TMEM169: variants seen among roughly 807,000 people sequenced by gnomAD.
TMEM169 encodes transmembrane protein 169.
A neutral mutation model predicts 27.3 loss-of-function variants in TMEM169; 18 were observed. The ratio of observed to expected loss-of-function variants is 0.66; its 90% confidence interval spans 0.46 to 0.98. The LOEUF is 0.98. Ranked by LOEUF, TMEM169 falls within the 50% of genes least tolerant of loss-of-function variation. TMEM169 has a pLI of 0.00. For synonymous variants in TMEM169, 136 were observed against 142.1 expected, an observed-to-expected ratio of 0.96 and a Z score of 0.30; for missense variants, 320 against 368.6, an observed-to-expected ratio of 0.87 and a Z score of 1.08.
chr2:216,086,954 C>T (rs530327278), intron 1 of TMEM169, among the ~76,000 whole-genome samples: 67 of 152,310 alleles, frequency 4.4e-4, no homozygotes, highest in African/African-American at 1.5e-3. Flanking sequence ...GTGTCAGTCA[C>T]ATATTAGGCA....
In TMEM169 at chr2:216,100,511, C is replaced by T. The variant is rs758398610; in HGVS notation, c.863C>T (p.Pro288Leu). 3 of 1,614,086 alleles carry T rather than the reference C, an allele frequency of 1.9e-6. No homozygotes were observed. Among genetic ancestry groups the T allele is most frequent in the Non-Finnish European group, 2.5e-6 (3 of 1,180,018 alleles). Residue 288 changes from proline (P) to leucine (L), a missense_variant, in exon 3 of 3, where the codon CCC (proline) becomes CTC (leucine). Pro to Leu is a moderately conservative substitution (Grantham distance 98, BLOSUM62 -3). Transcript: ENST00000437356. ...NISSTLSNKD[P>L]IQEVETSTV ...TCAAGCACTCTCTCCAACAAGGACC[C>T]CATCCAAGAAGTAGAAACCTCCACG...
At chr2:216,097,420 G>C (rs1486585904) in intron 2 of TMEM169, among the ~76,000 whole-genome samples, 1 of 151,966 alleles carries the variant, frequency 6.6e-6, no homozygotes, top group Non-Finnish European at 1.5e-5. Context: ...GTGTGCTGGG[G>C]CATGCCTGAG....
Position 216,102,428 on chromosome 2 carries a change from G to C in TMEM169, c.*1886G>C, listed in dbSNP as rs1696415625. 6.6e-6 allele frequency: 1 copy of C among 152,282 alleles called. No individual in the cohort carries two copies. The highest frequency in any genetic ancestry group is 2.4e-5 in the African/African-American group (1 of 41,332). 9.4% of individuals were successfully genotyped at this position (152,282 alleles called of 1,614,324 possible). ...CTAATTTCAAAATATCAACTCCTAAGAGGTCAGCAGAATTTGGAGATTTGG... is the reference window on the plus strand; with the variant it reads ...CTAATTTCAAAATATCAACTCCTAACAGGTCAGCAGAATTTGGAGATTTGG... On this transcript the variant is annotated 3_prime_UTR_variant, in exon 3 of 3. Transcript: ENST00000437356.
In TMEM169 at chr2:216,099,944, G is replaced by A. The variant is rs1303837540; in HGVS notation, c.296G>A (p.Ser99Asn). Reference protein sequence around the residue: ...DDDMWNLPLDSRYVTLTGTIT... With the variant: ...DDDMWNLPLDNRYVTLTGTIT... Reference sequence around the variant, plus strand: ...GATATGTGGAACCTGCCTCTGGACAGCCGCTACGTCACCTTAACTGGGACC... The same window carrying A: ...GATATGTGGAACCTGCCTCTGGACAACCGCTACGTCACCTTAACTGGGACC... Residue 99 changes from serine to asparagine, a missense_variant, in exon 3 of 3, where the codon AGC (serine) becomes AAC (asparagine). By Grantham distance (46) the Ser-to-Asn change is conservative. Coordinates refer to ENST00000437356, the MANE Select transcript of TMEM169 (RefSeq NM_001142311.2). This position sits in a 1 kb window ranked among gnomAD's most constrained non-coding sequence, Gnocchi z 5.0. 1.2e-6 allele frequency: 2 copies of A among 1,613,734 alleles called. No homozygotes were observed. The highest frequency in any genetic ancestry group is 1.7e-6 in the Non-Finnish European group (2 of 1,179,828).
At chr2:216,094,306 A>G (rs1469049142) in intron 1 of TMEM169, among the ~76,000 whole-genome samples, 1 of 152,234 alleles carries the variant, frequency 6.6e-6, no homozygotes, top group Non-Finnish European at 1.5e-5. Flanking sequence ...GGGTACCACT[A>G]TAGTTCATAA....
chr2:216,102,760 T>C lies in TMEM169; in HGVS notation c.*2218T>C, dbSNP rs1278063180. The C allele has an allele frequency of 2.0e-5, 3 of 152,500 alleles. No homozygotes were observed. The highest frequency in any genetic ancestry group is 7.2e-5 in the African/African-American group (3 of 41,402). The allele number at this position is 152,500 out of a possible 1,614,324, so 9.4% of individuals were successfully genotyped here. ...TAAATGAAGACAAAGAAAATAAAAA[T>C]AAAGTCTGATTAACTTTTGCTCATT... On this transcript the variant is annotated 3_prime_UTR_variant, in exon 3 of 3. Transcript: ENST00000437356.
At chr2:216,091,556 CAAA>C (rs35975278) in intron 1 of TMEM169, among the ~76,000 whole-genome samples, 4 of 80,336 alleles carry the variant, frequency 5.0e-5, no homozygotes, top group Admixed American at 1.4e-4. Context: ...GACTCCATCT[CAAA>C]AAAAAAAAAA....
intron 2 of TMEM169, among the ~76,000 whole-genome samples, chr2:216,097,706 G>GAGAAAT (rs1306624988): frequency 1.3e-5 from 2 of 152,204 alleles, no homozygotes; most frequent in Non-Finnish European, 2.9e-5. Context: ...CTCTCCTGCA[G>GAGAAAT]TTGACCTTCA....
Position 216,095,781 on chromosome 2 carries a change from C to A in TMEM169, c.-126-57C>A, listed in dbSNP as rs185455622. On this transcript the variant is annotated intron_variant, in intron 1 of 2. Transcript: ENST00000437356. Reference sequence around the variant, plus strand: ...TAAGTTGAGGATCGTTTCCCACATTCCTGTCCATCTCACCCCATTTGCTTC... The same window carrying A: ...TAAGTTGAGGATCGTTTCCCACATTACTGTCCATCTCACCCCATTTGCTTC... 2.6e-3 allele frequency: 1,579 copies of A among 612,248 alleles called. 3 individuals are homozygous for A. Among genetic ancestry groups the A allele is most frequent in the Middle Eastern group, 0.01 (23 of 2,254 alleles). 37.9% of individuals were successfully genotyped at this position (612,248 alleles called of 1,614,324 possible). A position where few individuals can be genotyped will look rare whatever the true frequency, so the allele number is the denominator to read the frequency against.
chr2:216,086,223 C>T (rs998825210), intron 1 of TMEM169, among the ~76,000 whole-genome samples: 5 of 152,032 alleles, frequency 3.3e-5, no homozygotes, highest in Admixed American at 1.3e-4. Flanking sequence ...TGCCACCATG[C>T]CTGGCTAATT....
Position 216,101,605 on chromosome 2 carries a change from A to G in TMEM169, c.*1063A>G, listed in dbSNP as rs1361683525. On this transcript the variant is annotated 3_prime_UTR_variant, in exon 3 of 3. Transcript: ENST00000437356. Reference sequence around the variant, plus strand: ...GCAATTCTTGTGCCTTGGCCTCCCCAGTAGCTGGGATTACAGGTGCGTGCC... The same window carrying G: ...GCAATTCTTGTGCCTTGGCCTCCCCGGTAGCTGGGATTACAGGTGCGTGCC... 1 of 152,114 alleles carries G rather than the reference A, an allele frequency of 6.6e-6. No homozygotes were observed. Among genetic ancestry groups the G allele is most frequent in the Non-Finnish European group, 1.5e-5 (1 of 68,064 alleles). 9.4% of individuals were successfully genotyped at this position (152,114 alleles called of 1,614,324 possible).
At chr2:216,093,730 T>C (rs1415794480) in intron 1 of TMEM169, among the ~76,000 whole-genome samples, 1 of 152,126 alleles carries the variant, frequency 6.6e-6, no homozygotes, top group African/African-American at 2.4e-5. Context: ...AGAACTCCCC[T>C]GCCTGGAGGG....
chr2:216,082,719 C>G (rs1574426568), intron 1 of TMEM169: 1 of 152,190 alleles, frequency 6.6e-6, no homozygotes, highest in East Asian at 1.9e-4. Flanking sequence ...CATCTTGCTT[C>G]CCGCTCTGAA....
At chr2:216,094,891 G>A (rs940215546) in intron 1 of TMEM169, among the ~76,000 whole-genome samples, 1 of 152,160 alleles carries the variant, frequency 6.6e-6, no homozygotes, top group Non-Finnish European at 1.5e-5. Context: ...GCACGTGATA[G>A]GACACATCCC....
intron 2 of TMEM169, among the ~76,000 whole-genome samples, chr2:216,098,272 T>C (rs866628395): frequency 1.3e-5 from 2 of 152,272 alleles, no homozygotes; most frequent in South Asian, 4.1e-4. Context: ...GGGAGACTAT[T>C]GTGTCCCTGC....
At chr2:216,084,591 G>A (rs1288723714) in intron 1 of TMEM169, among the ~76,000 whole-genome samples, 1 of 152,186 alleles carries the variant, frequency 6.6e-6, no homozygotes, top group Non-Finnish European at 1.5e-5. Flanking sequence ...AATGACAAAT[G>A]TTGGTAAGCC....
chr2:216,098,969 C>T (rs538438422), intron 2 of TMEM169, among the ~76,000 whole-genome samples: 4 of 137,828 alleles, frequency 2.9e-5, no homozygotes, highest in African/African-American at 8.4e-5. Context: ...TGTGTGCATA[C>T]GGCATGTGGG....
chr2:216,100,610 T>G lies in TMEM169; in HGVS notation c.*68T>G. 1 of 1,600,050 alleles carries G rather than the reference T, an allele frequency of 6.2e-7. No homozygotes were observed. The highest frequency in any genetic ancestry group is 8.5e-7 in the Non-Finnish European group (1 of 1,173,090). On this transcript the variant is annotated 3_prime_UTR_variant, in exon 3 of 3. Transcript: ENST00000437356. The stretch of plus-strand genomic sequence containing the variant: ...ATATCATCTTAAAATTCCAGCAGAT[T>G]ATTTCTTTAAATTACCCCCTACTCT...
chr2:216,089,209 G>T (rs890678235), intron 1 of TMEM169, among the ~76,000 whole-genome samples: 2 of 152,306 alleles, frequency 1.3e-5, no homozygotes, highest in South Asian at 4.1e-4. Context: ...GTTCAAGAAA[G>T]ATTTGGGAAT....
Sources: gnomAD v4.1 joint callset for allele counts (sites outside exome capture counted in the v4.1 genomes callset) on GRCh38, gnomAD v4.1.1 for gene constraint, Gnocchi (gnomAD v3.1) non-coding constraint, MANE v1.5 for transcripts, NCBI Gene and HGNC (gene_info 2026-07-23, HGNC 2026-07-21) for gene names.